Variants in ADARB2 observed in about 807,000 individuals in gnomAD.
The protein encoded by ADARB2 is adenosine deaminase RNA specific B2 (inactive).
ADARB2 carries 25 observed loss-of-function variants against 62.2 expected under a neutral mutation model. That is an observed-to-expected ratio of 0.40 (90% confidence interval 0.29 to 0.56). The LOEUF is 0.56. Among genes scored for constraint, ADARB2 ranks in the 20% least tolerant of loss-of-function variants. ADARB2 has a pLI of 0.43. For missense variants in ADARB2, 1,071 were observed against 1,077.4 expected (o/e 0.99, Z 0.08); for synonymous variants, 572 against 500.8 (o/e 1.14, Z -1.90).
At chr10:1,428,292 AT>A (rs55975325) in intron 1 of ADARB2, among the ~76,000 whole-genome samples, 31,970 of 127,822 alleles carry the variant, frequency 0.25, 4,747 homozygotes, top group African/African-American at 0.47. Flanking sequence ...TTTTATGCCT[AT>A]TTTTTTTTTT....
chr10:1,417,702 C>A (rs1401698384), intron 1 of ADARB2, among the ~76,000 whole-genome samples: 1 of 152,180 alleles, frequency 6.6e-6, no homozygotes, highest in Non-Finnish European at 1.5e-5. Context: ...TGCTATGGGC[C>A]GGCGTTGCAC....
chr10:1,669,825 C>T lies in ADARB2; in HGVS notation c.100+67226G>A, dbSNP rs553929865. On this transcript the variant is annotated intron_variant, in intron 1 of 9. Coordinates refer to ENST00000381312, the MANE Select transcript of ADARB2 (RefSeq NM_018702.4). ...AGAGACAAACACAGACACATAGACT[C>T]ACAGACACACAAACAGACACACTCA... Among the ~76,000 whole-genome samples the T allele has an allele frequency of 3.3e-3, 506 of 152,006 alleles. 4 individuals are homozygous for T. Among genetic ancestry groups the T allele is most frequent in the African/African-American group, 0.012 (478 of 41,462 alleles).
At chr10:1,544,956 T>TACACACACACACACACAACACAC (rs1554770301) in intron 1 of ADARB2, among the ~76,000 whole-genome samples, 1 of 133,848 alleles carries the variant, frequency 7.5e-6, no homozygotes, top group Non-Finnish European at 1.6e-5. Flanking sequence ...TAGCAAAGTA[T>TACACACACACACACACAACACAC]ACACACACAC....
chr10:1,584,369 C>A (rs531723731), intron 1 of ADARB2, among the ~76,000 whole-genome samples: 8 of 152,092 alleles, frequency 5.3e-5, no homozygotes, highest in African/African-American at 1.9e-4. Context: ...CACTAGAGAA[C>A]GCAGATAAAA....
intron 1 of ADARB2, among the ~76,000 whole-genome samples, chr10:1,421,887 G>A (rs1430743292): frequency 1.3e-5 from 2 of 152,344 alleles, no homozygotes; most frequent in South Asian, 2.1e-4. Context: ...TCCTTGATGG[G>A]TCTGCTGAGG....
intron 1 of ADARB2, among the ~76,000 whole-genome samples, chr10:1,404,115 G>A (rs1055895684): frequency 6.6e-6 from 1 of 152,226 alleles, no homozygotes; most frequent in Non-Finnish European, 1.5e-5. Context: ...AGCTCCCAGC[G>A]CAGGGCCCCT....
At chr10:1,606,308 G>A (rs1217274705) in intron 1 of ADARB2, among the ~76,000 whole-genome samples, 1 of 152,030 alleles carries the variant, frequency 6.6e-6, no homozygotes, top group Non-Finnish European at 1.5e-5. Context: ...TCTCTGAGCT[G>A]GAAACCTGAG....
At chr10:1,339,141 T>C (rs922023998) in intron 3 of ADARB2, among the ~76,000 whole-genome samples, 6 of 152,256 alleles carry the variant, frequency 3.9e-5, no homozygotes, top group Non-Finnish European at 5.9e-5. Flanking sequence ...CGCCCTGTGC[T>C]GAGCCGAGAT....
chr10:1,701,926 C>T (rs1336677354), intron 1 of ADARB2, among the ~76,000 whole-genome samples: 7 of 152,160 alleles, frequency 4.6e-5, no homozygotes, highest in Non-Finnish European at 5.9e-5. Context: ...GGAGACCAGG[C>T]GCTCGTCAAT....
intron 4 of ADARB2, among the ~76,000 whole-genome samples, chr10:1,258,145 CCTAA>C (rs1183117140): frequency 5.9e-5 from 9 of 152,102 alleles, no homozygotes; most frequent in South Asian, 2.1e-4. Flanking sequence ...TCCCTCCCTC[CCTAA>C]CTCTTTTTCT....
chr10:1,627,332 C>T (rs774672099), intron 1 of ADARB2, among the ~76,000 whole-genome samples: 9 of 152,102 alleles, frequency 5.9e-5, no homozygotes, highest in East Asian at 1.9e-4. Flanking sequence ...CATGCAAGAT[C>T]GCCTCCCACA....
At chr10:1,585,834 A>G (rs957055926) in intron 1 of ADARB2, among the ~76,000 whole-genome samples, 1 of 152,150 alleles carries the variant, frequency 6.6e-6, no homozygotes, top group African/African-American at 2.4e-5. Flanking sequence ...GGAGATCGAG[A>G]CCATCCTGGC....
At chr10:1,632,521 C>T (rs576757880) in intron 1 of ADARB2, among the ~76,000 whole-genome samples, 11 of 152,396 alleles carry the variant, frequency 7.2e-5, no homozygotes, top group Non-Finnish European at 1.5e-4. Context: ...TGCACCTGCC[C>T]ATGTGGCTGG....
At chr10:1,227,198 C>T (rs1830755835) in intron 6 of ADARB2, among the ~76,000 whole-genome samples, 1 of 152,252 alleles carries the variant, frequency 6.6e-6, no homozygotes, top group Non-Finnish European at 1.5e-5. Flanking sequence ...GTGTAGGACC[C>T]TCCGAGCCAG....
At chr10:1,627,208 C>A (rs532482059) in intron 1 of ADARB2, among the ~76,000 whole-genome samples, 1 of 151,916 alleles carries the variant, frequency 6.6e-6, no homozygotes, top group African/African-American at 2.4e-5. Context: ...AGGGGCTTGA[C>A]GAGCCTCGGA....
intron 4 of ADARB2, among the ~76,000 whole-genome samples, chr10:1,254,058 T>A (rs1831058884): frequency 6.6e-6 from 1 of 151,236 alleles, no homozygotes; most frequent in Non-Finnish European, 1.5e-5. Flanking sequence ...TGAGGTCGGC[T>A]CTGTGGTTAG....
chr10:1,693,304 C>T (rs866681536), intron 1 of ADARB2, among the ~76,000 whole-genome samples: 13 of 151,948 alleles, frequency 8.6e-5, no homozygotes, highest in South Asian at 2.1e-4. Context: ...TTGTCAAGGC[C>T]GCCATGTCTA....
chr10:1,333,614 T>C (rs1831948309), intron 3 of ADARB2, among the ~76,000 whole-genome samples: 1 of 152,178 alleles, frequency 6.6e-6, no homozygotes, highest in Non-Finnish European at 1.5e-5. Context: ...AGTGTGTATG[T>C]GTAACAGAAA....
At position 1,604,113 on chromosome 10, in the gene ADARB2, A is replaced by ATATC. The variant is rs554856777; in HGVS notation, c.100+132934_100+132937dup. 3.3e-3 allele frequency among the ~76,000 whole-genome samples: 501 copies of ATATC among 152,168 alleles called. 1 individual carries two copies. Among genetic ancestry groups the ATATC allele is most frequent in the Middle Eastern group, 6.8e-3 (2 of 294 alleles). ...AGCCACTGCCTCTGGCCAATATTTTATATCTATCTATCTATCTAGTCAATA... is the reference window on the plus strand; with the variant it reads ...AGCCACTGCCTCTGGCCAATATTTTATATCTATCTATCTATCTATCTAGTCAATA... On this transcript the variant is annotated intron_variant, in intron 1 of 9. Coordinates refer to ENST00000381312, the MANE Select transcript of ADARB2 (RefSeq NM_018702.4).
Sources: gnomAD v4.1 joint callset for allele counts (sites outside exome capture counted in the v4.1 genomes callset) on GRCh38, gnomAD v4.1.1 for gene constraint, MANE v1.5 for transcripts, NCBI Gene and HGNC (gene_info 2026-07-23, HGNC 2026-07-21) for gene names.